The following B3GALT5 variants were observed in gnomAD, a reference collection of about 807,000 sequenced individuals.
The protein encoded by B3GALT5 is UDP-Gal:betaGlcNAc beta 1,3-galactosyltransferase, polypeptide 5.
For synonymous variants in B3GALT5, 156 were observed against 158.6 expected (o/e 0.98, Z 0.12); for missense variants, 328 against 396.6 (o/e 0.83, Z 1.47).
At chr21:39,623,233 CCCTCCCTCCCTTCCTTCCTT>C (rs1278698637) in intron 1 of B3GALT5, among the ~76,000 whole-genome samples, 4 of 18,722 alleles carry the variant, frequency 2.1e-4, no homozygotes, top group Admixed American at 1.2e-3. Flanking sequence ...CTCCCTCCCT[CCCTCCCTCCCTTCCTTCCTT>C]CCTTCCTTCC....
intron 3 of B3GALT5, 115 bp from the exon 4 acceptor site, chr21:39,660,445 C>G: frequency 1.2e-6 from 1 of 847,838 alleles, no homozygotes; most frequent in Non-Finnish European, 1.7e-6. Flanking sequence ...CTGTATGCAG[C>G]GAGGTTCTAG....
intron 1 of B3GALT5, among the ~76,000 whole-genome samples, chr21:39,620,106 G>A (rs901220745): frequency 4.6e-5 from 7 of 152,222 alleles, no homozygotes; most frequent in South Asian, 2.1e-4. Flanking sequence ...GATTACAGGC[G>A]TGAGCCTGCC....
chr21:39,657,862 C>T (rs1489981083), intron 2 of B3GALT5: 8 of 1,231,674 alleles, frequency 6.5e-6, no homozygotes, highest in Non-Finnish European at 7.1e-6. Context: ...CTGGTCAGGC[C>T]ATACAGCCTG....
At chr21:39,638,093 G>T (rs2079241883) in intron 1 of B3GALT5, among the ~76,000 whole-genome samples, 1 of 152,150 alleles carries the variant, frequency 6.6e-6, no homozygotes, top group Non-Finnish European at 1.5e-5. Context: ...GGCAAGGGAA[G>T]GGCACGGTCC....
At chr21:39,643,592 C>T (rs1201337628) in intron 1 of B3GALT5, among the ~76,000 whole-genome samples, 2 of 152,334 alleles carry the variant, frequency 1.3e-5, no homozygotes, top group South Asian at 2.1e-4. Context: ...TGCGTTTCCT[C>T]TTTCATTTGT....
intron 2 of B3GALT5, among the ~76,000 whole-genome samples, chr21:39,655,783 G>A (rs2146212765): frequency 6.6e-6 from 1 of 152,272 alleles, no homozygotes; most frequent in African/African-American, 2.4e-5. Context: ...GTCAGTCTGG[G>A]GTCAGCTGCG....
At chr21:39,651,189 T>C (rs971132125) in intron 2 of B3GALT5, among the ~76,000 whole-genome samples, 5 of 152,200 alleles carry the variant, frequency 3.3e-5, no homozygotes, top group Admixed American at 2.0e-4. Context: ...TAACTGAAAT[T>C]GAGCCCTTCC....
rs1330910749 is a variant in B3GALT5, at chr21:39,661,553, G to T, written c.*61G>T. ...TAACCCGTGGGGATAGTTTTTGCTAGATTTTGGAAGAGGGGGCGGGACAGA... is the reference window on the plus strand; with the variant it reads ...TAACCCGTGGGGATAGTTTTTGCTATATTTTGGAAGAGGGGGCGGGACAGA... On this transcript the variant is annotated 3_prime_UTR_variant, in exon 4 of 4. Coordinates refer to ENST00000684187, the MANE Select transcript of B3GALT5 (RefSeq NM_001356336.2). This position sits in a 1 kb window ranked among gnomAD's most constrained non-coding sequence, Gnocchi z 4.7. 3 of 1,427,436 alleles carry T rather than the reference G, an allele frequency of 2.1e-6. No individual in the cohort carries two copies. In the East Asian group the frequency reaches 7.1e-5, roughly 34 times the overall value. The allele number at this position is 1,427,436 out of a possible 1,614,324, so 88.4% of individuals were successfully genotyped here.
chr21:39,661,523 T>A lies in B3GALT5; in HGVS notation c.*31T>A. 1 of 1,484,570 alleles carries A rather than the reference T, an allele frequency of 6.7e-7. No homozygotes were observed. The highest frequency in any genetic ancestry group is 8.9e-7 in the Non-Finnish European group (1 of 1,117,888). 92.0% of individuals were successfully genotyped at this position (1,484,570 alleles called of 1,614,324 possible). ...GCCCAGAGGCACATCCGGACAAGTT[T>A]CAGATAACCCGTGGGGATAGTTTTT... On this transcript the variant is annotated 3_prime_UTR_variant, in exon 4 of 4. Transcript: ENST00000684187. The surrounding 1 kb of genome is among the most constrained non-coding windows in gnomAD (Gnocchi z 4.7).
At chr21:39,638,391 C>T (rs917066279) in intron 1 of B3GALT5, among the ~76,000 whole-genome samples, 4 of 152,156 alleles carry the variant, frequency 2.6e-5, no homozygotes, top group Non-Finnish European at 4.4e-5. Flanking sequence ...TGACAGGCAC[C>T]AGCAGGCTGC....
Position 39,668,555 on chromosome 21 carries a change from G to T in B3GALT5, c.*7063G>T, listed in dbSNP as rs1296329802. 1 of 152,166 alleles carries T rather than the reference G, an allele frequency of 6.6e-6. No homozygotes were observed. The highest frequency in any genetic ancestry group is 6.5e-5 in the Admixed American group (1 of 15,268). The allele number at this position is 152,166 out of a possible 1,614,324, so 9.4% of individuals were successfully genotyped here. On this transcript the variant is annotated 3_prime_UTR_variant, in exon 4 of 4. Transcript: ENST00000684187. ...GACATCATCCTCACACGTGCTCAGT[G>T]TTAGGCATTTTTTCCCCCTCCTGCT...
At chr21:39,658,021 C>A in intron 2 of B3GALT5, 1 of 826,254 alleles carries the variant, frequency 1.2e-6, no homozygotes, top group Non-Finnish European at 1.6e-6. Flanking sequence ...ACACAGGCTG[C>A]CCTTTCCAGG....
intron 1 of B3GALT5, among the ~76,000 whole-genome samples, chr21:39,637,799 GTCAGTTT>G (rs1386484081): frequency 1.3e-5 from 2 of 152,348 alleles, no homozygotes; most frequent in Non-Finnish European, 2.9e-5. Context: ...CTCTTAAGGT[GTCAGTTT>G]TAGAAGCAAG....
intron 1 of B3GALT5, among the ~76,000 whole-genome samples, chr21:39,630,687 A>C (rs757762566): frequency 4.6e-5 from 7 of 152,144 alleles, no homozygotes; most frequent in Admixed American, 1.3e-4. Context: ...GGTTTCAGTG[A>C]AGGTAGTTTC....
In B3GALT5 at chr21:39,672,213, G is replaced by C. The variant is rs2079635294; in HGVS notation, c.*10721G>C. 6.6e-6 allele frequency: 1 copy of C among 152,232 alleles called. No homozygotes were observed. Among genetic ancestry groups the C allele is most frequent in the African/African-American group, 2.4e-5 (1 of 41,446 alleles). 9.4% of individuals were successfully genotyped at this position (152,232 alleles called of 1,614,324 possible). A position where few individuals can be genotyped will look rare whatever the true frequency, so the allele number is the denominator to read the frequency against. ...CAGCGAAGCCAGCGTGAGGTCTGTTGGCTCAGGGGTCCAGTCCCTGGGTCC... is the reference window on the plus strand; with the variant it reads ...CAGCGAAGCCAGCGTGAGGTCTGTTCGCTCAGGGGTCCAGTCCCTGGGTCC... On this transcript the variant is annotated 3_prime_UTR_variant, in exon 4 of 4. Transcript: ENST00000684187.
intron 1 of B3GALT5, among the ~76,000 whole-genome samples, chr21:39,644,881 AC>A (rs1048022920): frequency 6.6e-6 from 1 of 151,974 alleles, no homozygotes; most frequent in Non-Finnish European, 1.5e-5. Context: ...CTACCTCCCC[AC>A]CATGCTGCAC....
At chr21:39,645,011 C>G (rs1246202012) in intron 1 of B3GALT5, among the ~76,000 whole-genome samples, 1 of 152,062 alleles carries the variant, frequency 6.6e-6, no homozygotes, top group African/African-American at 2.4e-5. Flanking sequence ...ATGATGCAGT[C>G]ATAATCAAGA....
In B3GALT5 at chr21:39,629,245, T is replaced by C. The variant is rs111848461; in HGVS notation, c.-392+16178T>C. 2.1e-3 allele frequency among the ~76,000 whole-genome samples: 319 copies of C among 152,312 alleles called. 5 individuals carry two copies. The highest frequency in any genetic ancestry group is 2.0e-3 in the Non-Finnish European group (139 of 68,032). On this transcript the variant is annotated intron_variant, in intron 1 of 3. Transcript: ENST00000684187. ...GGCCAGGCTGGTCTCGAACTCCTGA[T>C]CTTAAGTGATCTGCCCGCCTCAGCC...
At position 39,672,498 on chromosome 21, in the gene B3GALT5, C is replaced by A. The variant is rs930532892; in HGVS notation, c.*11006C>A. On this transcript the variant is annotated 3_prime_UTR_variant, in exon 4 of 4. Coordinates refer to ENST00000684187, the MANE Select transcript of B3GALT5 (RefSeq NM_001356336.2). ...TTGTATATTAGGGGGATCTGCTAGACTCTTATGTCATTGTATTTTGGAAAT... is the reference window on the plus strand; with the variant it reads ...TTGTATATTAGGGGGATCTGCTAGAATCTTATGTCATTGTATTTTGGAAAT... The A allele has an allele frequency of 1.3e-5, 2 of 152,166 alleles. No individual in the cohort carries two copies. Among genetic ancestry groups the A allele is most frequent in the African/African-American group, 2.4e-5 (1 of 41,446 alleles). The allele number at this position is 152,166 out of a possible 1,614,324, so 9.4% of individuals were successfully genotyped here. A position where few individuals can be genotyped will look rare whatever the true frequency, so the allele number is the denominator to read the frequency against.
Sources: allele counts gnomAD v4.1 joint callset (sites outside exome capture counted in the v4.1 genomes callset), GRCh38; gene constraint gnomAD v4.1.1; non-coding constraint Gnocchi (gnomAD v3.1); transcripts MANE v1.5; gene names NCBI Gene and HGNC (gene_info 2026-07-23, HGNC 2026-07-21).